SPAG16: variants seen among roughly 807,000 people sequenced by gnomAD.
The protein encoded by SPAG16 is sperm associated antigen 16.
Under a neutral mutation model 80.4 loss-of-function variants are expected in SPAG16, and 86 were observed. The ratio of observed to expected loss-of-function variants is 1.07; its 90% CI spans 0.90 to 1.28. SPAG16 has a LOEUF of 1.28. Ranked by LOEUF, SPAG16 falls within the 50% of genes most tolerant of loss-of-function variation. The probability of loss-of-function intolerance (pLI) is 0.00; values close to 1 mark genes in which losing one functional copy is unlikely to be tolerated. For missense variants in SPAG16, 870 were observed against 765.3 expected, an observed-to-expected ratio of 1.14 and a Z score of -1.61; for synonymous variants, 294 against 265.9, an observed-to-expected ratio of 1.11 and a Z score of -1.03.
In SPAG16 at chr2:214,216,306, GTGATGA is replaced by G. The variant is rs145589763; in HGVS notation, c.1720+67062_1720+67067del. 1.4e-4 allele frequency among the ~76,000 whole-genome samples: 21 copies of G among 151,764 alleles called. 1 individual carries two copies. The highest frequency in any genetic ancestry group is 2.7e-4 in the Non-Finnish European group (18 of 67,902). On this transcript the variant is annotated intron_variant, in intron 15 of 15. Coordinates refer to ENST00000331683, the MANE Select transcript of SPAG16 (RefSeq NM_024532.5). ...TTATTCAAAATCTTTGAAAAATGCT[GTGATGA>G]TGATGATGATGATGATGATGACGAT...
At chr2:214,130,087 C>T (rs1323815396) in intron 14 of SPAG16, among the ~76,000 whole-genome samples, 1 of 152,160 alleles carries the variant, frequency 6.6e-6, no homozygotes, top group Non-Finnish European at 1.5e-5. Context: ...ATTCTCACCC[C>T]AGTTCTCAAC....
chr2:213,851,224 A>G (rs1446504264), intron 10 of SPAG16, among the ~76,000 whole-genome samples: 1 of 152,196 alleles, frequency 6.6e-6, no homozygotes, highest in African/African-American at 2.4e-5. Flanking sequence ...TCTATAAACT[A>G]ATAATATGGG....
intron 10 of SPAG16, among the ~76,000 whole-genome samples, chr2:213,851,188 C>G (rs778634227): frequency 2.0e-5 from 3 of 152,098 alleles, no homozygotes; most frequent in Admixed American, 6.6e-5. Flanking sequence ...AGAATTGATA[C>G]GATGTTTAAA....
chr2:214,055,523 C>A (rs111554557), intron 13 of SPAG16, among the ~76,000 whole-genome samples: 291 of 152,214 alleles, frequency 1.9e-3, no homozygotes, highest in African/African-American at 6.8e-3. Context: ...TTTTCTCCTT[C>A]TTTAACTTCT....
At chr2:214,246,257 C>T (rs201051433) in intron 15 of SPAG16, among the ~76,000 whole-genome samples, 1 of 146,548 alleles carries the variant, frequency 6.8e-6, no homozygotes, top group African/African-American at 2.5e-5. Context: ...TTGTTTTTCT[C>T]TTAGTGGCTA....
At chr2:213,286,019 A>G (rs2062044115) in intron 1 of SPAG16, 2 of 803,618 alleles carry the variant, frequency 2.5e-6, no homozygotes, top group South Asian at 2.9e-5. Context: ...AACTTTTTGC[A>G]AACATCTTTG....
At chr2:213,307,260 T>C (rs2062977914) in intron 3 of SPAG16, among the ~76,000 whole-genome samples, 1 of 140,056 alleles carries the variant, frequency 7.1e-6, no homozygotes, top group Admixed American at 7.1e-5. Flanking sequence ...AATGTGCAGG[T>C]TAGTTACATA....
intron 11 of SPAG16, among the ~76,000 whole-genome samples, chr2:213,881,568 C>A (rs1230833140): frequency 6.6e-6 from 1 of 152,168 alleles, no homozygotes; most frequent in Admixed American, 6.5e-5. Context: ...AGGAAACTTA[C>A]AATCGTGGCA....
intron 10 of SPAG16, among the ~76,000 whole-genome samples, chr2:213,733,814 A>G (rs934449520): frequency 6.6e-6 from 1 of 152,216 alleles, no homozygotes; most frequent in East Asian, 1.9e-4. Context: ...GATAGGTTCA[A>G]GAAAAGTTCA....
intron 10 of SPAG16, among the ~76,000 whole-genome samples, chr2:213,537,335 A>T (rs1467720373): frequency 6.6e-6 from 1 of 152,056 alleles, no homozygotes; most frequent in Non-Finnish European, 1.5e-5. Flanking sequence ...AAACAAACAA[A>T]CAAAAAAAAG....
At chr2:213,348,031 G>A (rs1301683042) in intron 6 of SPAG16, among the ~76,000 whole-genome samples, 2 of 152,162 alleles carry the variant, frequency 1.3e-5, no homozygotes, top group East Asian at 3.9e-4. Flanking sequence ...AAGTCTTTTT[G>A]TAGGTCTCTA....
chr2:213,738,885 A>G (rs984895006), intron 10 of SPAG16, among the ~76,000 whole-genome samples: 1 of 152,188 alleles, frequency 6.6e-6, no homozygotes, highest in African/African-American at 2.4e-5. Flanking sequence ...CATTGCCAGT[A>G]TGACATTCTC....
In SPAG16 at chr2:214,140,064, G is replaced by C. The variant is rs2055269590; in HGVS notation, c.1594-9076G>C. Among the ~76,000 whole-genome samples the C allele has an allele frequency of 2.0e-5, 3 of 152,270 alleles. No homozygotes were observed. The South Asian group carries it at 6.2e-4, about 32-fold the overall frequency. ...CCTGAAATTCCTGTCTCCCTGAAAT[G>C]TATAAAACCAAACTGTAACCTGATC... is the stretch of plus-strand genomic sequence containing the variant. On this transcript the variant is annotated intron_variant, in intron 14 of 15. Transcript: ENST00000331683.
intron 15 of SPAG16, among the ~76,000 whole-genome samples, chr2:214,334,421 A>G (rs2126017707): frequency 6.6e-6 from 1 of 152,348 alleles, no homozygotes; most frequent in South Asian, 2.1e-4. Flanking sequence ...CAGATGTCCC[A>G]TCTGAATTCT....
intron 9 of SPAG16, among the ~76,000 whole-genome samples, chr2:213,430,601 A>G (rs1227367914): frequency 2.6e-5 from 4 of 152,234 alleles, no homozygotes; most frequent in African/African-American, 9.6e-5. Context: ...GACTGAACTT[A>G]CATATCATTG....
At chr2:213,902,476 C>G (rs1281323590) in intron 11 of SPAG16, among the ~76,000 whole-genome samples, 6 of 152,072 alleles carry the variant, frequency 3.9e-5, no homozygotes, top group African/African-American at 1.4e-4. Context: ...AAGCAGAAAC[C>G]CCTAATAAAA....
At chr2:214,201,494 T>C (rs528996549) in intron 15 of SPAG16, among the ~76,000 whole-genome samples, 57 of 152,298 alleles carry the variant, frequency 3.7e-4, no homozygotes, top group African/African-American at 1.3e-3. Flanking sequence ...TTTGTATTTA[T>C]GAAGATAGCC....
At chr2:213,698,325 A>C (rs1416296195) in intron 10 of SPAG16, among the ~76,000 whole-genome samples, 2 of 152,082 alleles carry the variant, frequency 1.3e-5, no homozygotes, top group Non-Finnish European at 2.9e-5. Flanking sequence ...GTAGTGGCAC[A>C]ATCATGGTTC....
At chr2:213,747,352 T>G (rs935426688) in intron 10 of SPAG16, among the ~76,000 whole-genome samples, 1 of 152,232 alleles carries the variant, frequency 6.6e-6, no homozygotes, top group Non-Finnish European at 1.5e-5. Flanking sequence ...ATTTATTACT[T>G]AATAAAATAT....
Sources: gnomAD v4.1 joint callset for allele counts (sites outside exome capture counted in the v4.1 genomes callset) on GRCh38, gnomAD v4.1.1 for gene constraint, MANE v1.5 for transcripts, NCBI Gene and HGNC (gene_info 2026-07-23, HGNC 2026-07-21) for gene names.